The following ARID5B variants were observed in gnomAD, a reference collection of about 807,000 sequenced individuals.
The protein encoded by ARID5B is AT-rich interactive domain-containing protein 5B.
Under a neutral mutation model 97.2 loss-of-function variants are expected in ARID5B, and 13 were observed. The ratio of observed to expected loss-of-function variants is 0.13; its 90% CI spans 0.09 to 0.21. ARID5B has a LOEUF of 0.21. ARID5B is among the 10% of genes least tolerant of loss of function. The probability of loss-of-function intolerance (pLI) is 1.00; values close to 1 mark genes in which losing one functional copy is unlikely to be tolerated. For missense variants in ARID5B, 1,210 were observed against 1,465.3 expected (o/e 0.83, Z 2.84); for synonymous variants, 556 against 570.3 (o/e 0.97, Z 0.36).
intron 4 of ARID5B, among the ~76,000 whole-genome samples, chr10:62,027,267 T>A (rs191186685): frequency 6.9e-6 from 1 of 145,168 alleles, no homozygotes; most frequent in Non-Finnish European, 1.5e-5. Flanking sequence ...TAGTGATGCA[T>A]TAGCCTCACA....
chr10:61,954,947 G>A (rs1166092467), intron 3 of ARID5B, among the ~76,000 whole-genome samples: 1 of 151,714 alleles, frequency 6.6e-6, no homozygotes, highest in Non-Finnish European at 1.5e-5. Context: ...CGGAGGTCAT[G>A]GTGAGCCAAG....
chr10:62,026,136 T>C (rs1839417994), intron 4 of ARID5B, among the ~76,000 whole-genome samples: 1 of 152,246 alleles, frequency 6.6e-6, no homozygotes, highest in Non-Finnish European at 1.5e-5. Context: ...GTTAGATGCA[T>C]GCTGAGTACT....
chr10:61,942,847 G>T (rs1844435385), intron 3 of ARID5B, among the ~76,000 whole-genome samples: 1 of 152,128 alleles, frequency 6.6e-6, no homozygotes, highest in Non-Finnish European at 1.5e-5. Context: ...GTCTGATTTT[G>T]TTTGTTTGTT....
At chr10:62,018,599 AC>A (rs1395809509) in intron 4 of ARID5B, among the ~76,000 whole-genome samples, 2 of 147,664 alleles carry the variant, frequency 1.4e-5, no homozygotes, top group Admixed American at 6.7e-5. Flanking sequence ...TTTTTTTCAA[AC>A]CTGCCCCTCC....
At chr10:61,954,876 C>G (rs1272869851) in intron 3 of ARID5B, among the ~76,000 whole-genome samples, 2 of 152,036 alleles carry the variant, frequency 1.3e-5, no homozygotes, top group African/African-American at 4.8e-5. Flanking sequence ...CATGGTGGTG[C>G]ATGCCTGTAA....
intron 8 of ARID5B, among the ~76,000 whole-genome samples, chr10:62,081,843 T>A (rs1343382511): frequency 6.6e-6 from 1 of 152,212 alleles, no homozygotes; most frequent in Admixed American, 6.5e-5. Context: ...AAACCTAGTG[T>A]ACTAAGCACC....
intron 2 of ARID5B, among the ~76,000 whole-genome samples, chr10:61,936,787 T>C (rs1844308708): frequency 7.1e-6 from 1 of 141,838 alleles, no homozygotes; most frequent in African/African-American, 2.6e-5. Flanking sequence ...TCCTGGCAAT[T>C]ACTGCTGGAC....
At chr10:61,998,885 G>T (rs1006228464) in intron 3 of ARID5B, among the ~76,000 whole-genome samples, 1 of 152,140 alleles carries the variant, frequency 6.6e-6, no homozygotes, top group Non-Finnish European at 1.5e-5. Flanking sequence ...GAACAACAAA[G>T]GTTTATTTTC....
chr10:61,949,568 C>T (rs1387976194), intron 3 of ARID5B, among the ~76,000 whole-genome samples: 3 of 152,068 alleles, frequency 2.0e-5, no homozygotes, highest in Non-Finnish European at 4.4e-5. Context: ...ACCCGGGAGG[C>T]GGAGGTTGCA....
At chr10:62,057,641 A>G (rs1414564584) in intron 6 of ARID5B, among the ~76,000 whole-genome samples, 1 of 152,186 alleles carries the variant, frequency 6.6e-6, no homozygotes, top group Non-Finnish European at 1.5e-5. Context: ...AGATAATAAT[A>G]TGACGTAGCT....
chr10:61,963,407 G>A (rs1204496497), intron 3 of ARID5B, among the ~76,000 whole-genome samples: 4 of 152,120 alleles, frequency 2.6e-5, no homozygotes, highest in Non-Finnish European at 4.4e-5. Flanking sequence ...CAGAGATACT[G>A]AAAGGGGCAC....
intron 3 of ARID5B, among the ~76,000 whole-genome samples, chr10:61,980,238 C>T (rs1838758971): frequency 6.6e-6 from 1 of 152,116 alleles, no homozygotes; most frequent in Non-Finnish European, 1.5e-5. Flanking sequence ...TAATGGAAGC[C>T]ACAGGCAGTG....
intron 4 of ARID5B, among the ~76,000 whole-genome samples, chr10:62,009,825 G>T (rs1032040218): frequency 1.3e-5 from 2 of 152,158 alleles, no homozygotes; most frequent in Admixed American, 1.3e-4. Flanking sequence ...CCATAAAAGA[G>T]AGCCCTAATG....
At chr10:61,940,728 C>T (rs1844384685) in intron 3 of ARID5B, among the ~76,000 whole-genome samples, 1 of 151,070 alleles carries the variant, frequency 6.6e-6, no homozygotes, top group South Asian at 2.1e-4. Flanking sequence ...TAAATACTTG[C>T]TATAAGTATG....
At chr10:62,055,494 A>G (rs987847406) in intron 5 of ARID5B, among the ~76,000 whole-genome samples, 2 of 152,184 alleles carry the variant, frequency 1.3e-5, no homozygotes, top group Non-Finnish European at 1.5e-5. Context: ...TTAAAACTGG[A>G]GTGATGTTAT....
At chr10:61,917,352 A>AGTCTC (rs1843928545) in intron 2 of ARID5B, among the ~76,000 whole-genome samples, 1 of 151,970 alleles carries the variant, frequency 6.6e-6, no homozygotes, top group African/African-American at 2.4e-5. Context: ...TTTAAGACAG[A>AGTCTC]GTCTCGCTCT....
At chr10:62,059,388 C>T in intron 7 of ARID5B, 93 bp downstream of exon 7, 1 of 995,662 alleles carries the variant, frequency 1.0e-6, no homozygotes. Context: ...GGCAAAACAT[C>T]ACTGACTGCC....
intron 4 of ARID5B, among the ~76,000 whole-genome samples, chr10:62,043,804 G>T (rs1330901257): frequency 6.6e-6 from 1 of 152,194 alleles, no homozygotes; most frequent in East Asian, 1.9e-4. Flanking sequence ...GCATTCACAA[G>T]TATGAAACAG....
chr10:61,947,288 A>C (rs552492631), intron 3 of ARID5B, among the ~76,000 whole-genome samples: 341 of 73,780 alleles, frequency 4.6e-3, no homozygotes, highest in African/African-American at 0.018. Context: ...TTTTTTTTTG[A>C]GACAGGGTCT....
Sources: allele counts gnomAD v4.1 joint callset (sites outside exome capture counted in the v4.1 genomes callset), GRCh38; gene constraint gnomAD v4.1.1; transcripts MANE v1.5; gene names NCBI Gene and HGNC (gene_info 2026-07-23, HGNC 2026-07-21).